The following PDE4D variants were observed in gnomAD, a reference collection of about 807,000 sequenced individuals.
The protein encoded by PDE4D is phosphodiesterase 4D, also known as 3',5'-cyclic-AMP phosphodiesterase 4D.
Under a neutral mutation model 87.4 loss-of-function variants are expected in PDE4D, and 24 were observed. That is an observed-to-expected ratio of 0.27 (90% CI 0.20 to 0.39). The LOEUF is 0.39. Ranked by LOEUF, PDE4D falls within the 10% of genes least tolerant of loss-of-function variation. The pLI is 1.00. For missense variants in PDE4D, 714 were observed against 1,041.0 expected, an observed-to-expected ratio of 0.69 and a Z score of 4.32; for synonymous variants, 384 against 383.2, an observed-to-expected ratio of 1.00 and a Z score of -0.02.
chr5:59,130,118 A>ACT lies in PDE4D; in HGVS notation c.808+50476_808+50477insAG, dbSNP rs879701224. 7.5e-3 allele frequency among the ~76,000 whole-genome samples: 1,137 copies of ACT among 152,326 alleles called. 14 individuals are homozygous for ACT. Among genetic ancestry groups the ACT allele is most frequent in the Non-Finnish European group, 8.7e-3 (594 of 68,030 alleles). Reference sequence around the variant, plus strand: ...AAATTGGAAGGACAATATTTCTTTAAAGAATTTTTCTAGTGAAAAGCTAAG... The same window carrying ACT: ...AAATTGGAAGGACAATATTTCTTTAACTAGAATTTTTCTAGTGAAAAGCTAAG... On this transcript the variant is annotated intron_variant, in intron 5 of 14. Coordinates refer to ENST00000340635, the MANE Select transcript of PDE4D (RefSeq NM_001104631.2).
chr5:60,067,270 G>C (rs904343085), intron 2 of PDE4D, among the ~76,000 whole-genome samples: 7 of 152,066 alleles, frequency 4.6e-5, no homozygotes, highest in African/African-American at 1.7e-4. Flanking sequence ...TGGTAGATGA[G>C]AACAGTAGGA....
intron 1 of PDE4D, among the ~76,000 whole-genome samples, chr5:59,582,130 T>G (rs183625872): frequency 1.5e-3 from 226 of 152,268 alleles, no homozygotes; most frequent in African/African-American, 5.1e-3. Flanking sequence ...GGAAGAGATG[T>G]TAAAGAAGCA....
intron 1 of PDE4D, among the ~76,000 whole-genome samples, chr5:59,453,164 G>A (rs2153641520): frequency 6.6e-6 from 1 of 152,164 alleles, no homozygotes; most frequent in Admixed American, 6.5e-5. Flanking sequence ...TAATTGTTTA[G>A]GAGTACCATA....
At chr5:59,006,711 C>T (rs894058790) in intron 6 of PDE4D, among the ~76,000 whole-genome samples, 3 of 152,182 alleles carry the variant, frequency 2.0e-5, no homozygotes, top group Non-Finnish European at 2.9e-5. Flanking sequence ...TTACCAGATA[C>T]CCAAGCAATT....
intron 1 of PDE4D, among the ~76,000 whole-genome samples, chr5:59,625,493 A>C (rs1042683923): frequency 7.9e-5 from 12 of 151,626 alleles, no homozygotes; most frequent in African/African-American, 2.9e-4. Flanking sequence ...TGACCTAAAG[A>C]GCTGCGACAT....
At chr5:59,304,777 ATGTTGT>A in intron 1 of PDE4D, among the ~76,000 whole-genome samples, 1 of 152,174 alleles carries the variant, frequency 6.6e-6, no homozygotes, top group East Asian at 1.9e-4. Context: ...TCTTTTTGAT[ATGTTGT>A]TGGATTCAGT....
At chr5:59,717,944 A>G (rs1755264063) in intron 1 of PDE4D, among the ~76,000 whole-genome samples, 1 of 152,240 alleles carries the variant, frequency 6.6e-6, no homozygotes. Flanking sequence ...ACTTCAGTGT[A>G]CATAAAAATC....
intron 3 of PDE4D, among the ~76,000 whole-genome samples, chr5:59,984,583 A>G (rs189818491): frequency 9.2e-5 from 14 of 152,292 alleles, no homozygotes; most frequent in African/African-American, 1.7e-4. Flanking sequence ...ATTGCTTGGG[A>G]AAAAAAGTCA....
At chr5:59,426,370 C>T (rs535381119) in intron 1 of PDE4D, among the ~76,000 whole-genome samples, 4 of 152,186 alleles carry the variant, frequency 2.6e-5, no homozygotes, top group African/African-American at 9.7e-5. Flanking sequence ...AGAGAGCAGG[C>T]TGGTTTACCT....
chr5:59,883,118 A>G (rs1749689153), intron 1 of PDE4D, among the ~76,000 whole-genome samples: 1 of 152,218 alleles, frequency 6.6e-6, no homozygotes, highest in Non-Finnish European at 1.5e-5. Flanking sequence ...CAAATAAGGA[A>G]GACCCAATTT....
chr5:59,780,733 TG>T (rs1764529036), intron 1 of PDE4D, among the ~76,000 whole-genome samples: 1 of 152,228 alleles, frequency 6.6e-6, no homozygotes, highest in Non-Finnish European at 1.5e-5. Flanking sequence ...AATTCTGGCC[TG>T]ACAGCAGTGT....
At chr5:59,882,931 C>T (rs1749663471) in intron 1 of PDE4D, among the ~76,000 whole-genome samples, 1 of 152,118 alleles carries the variant, frequency 6.6e-6, no homozygotes, top group African/African-American at 2.4e-5. Flanking sequence ...GCACGTGTCA[C>T]CATGCCTGGA....
At chr5:60,260,581 C>CCAGTCCCAGGACA (rs1426653585) in intron 1 of PDE4D, among the ~76,000 whole-genome samples, 2 of 152,064 alleles carry the variant, frequency 1.3e-5, no homozygotes, top group African/African-American at 4.8e-5. Context: ...AGAAGACCAA[C>CCAGTCCCAGGACA]CAGTCACAAT....
chr5:60,460,112 A>T (rs1746806881), intron 1 of PDE4D: 8 of 1,604,502 alleles, frequency 5.0e-6, no homozygotes, highest in Non-Finnish European at 6.8e-6. Flanking sequence ...CAGGTAAAGA[A>T]GCTCTCTGGT....
At chr5:59,638,781 T>C (rs915650603) in intron 1 of PDE4D, among the ~76,000 whole-genome samples, 1 of 152,196 alleles carries the variant, frequency 6.6e-6, no homozygotes, top group East Asian at 1.9e-4. Context: ...GTGTTTTATA[T>C]AAAAGATTCT....
intron 1 of PDE4D, among the ~76,000 whole-genome samples, chr5:59,347,529 C>G (rs766886999): frequency 1.3e-5 from 2 of 152,140 alleles, no homozygotes; most frequent in Non-Finnish European, 2.9e-5. Flanking sequence ...TAGGCAGACA[C>G]AGACACATAT....
At chr5:59,564,487 C>T (rs143828907) in intron 1 of PDE4D, among the ~76,000 whole-genome samples, 43 of 152,180 alleles carry the variant, frequency 2.8e-4, no homozygotes, top group African/African-American at 3.6e-4. Context: ...TGTCCAAACA[C>T]GAGTGGAAGA....
intron 1 of PDE4D, among the ~76,000 whole-genome samples, chr5:60,203,479 T>C (rs1478464396): frequency 6.6e-6 from 1 of 152,160 alleles, no homozygotes; most frequent in Non-Finnish European, 1.5e-5. Flanking sequence ...CTATGGAAAA[T>C]AATCTGGAAG....
rs557870778 is a variant in PDE4D at position 59,424,406 on chromosome 5, G to A, written c.456-208438C>T. ...ATAAAACGTGTTCTTTGCTGTATTC[G>A]TCTGTTCTCATGCTGCTATGAAAAA... On this transcript the variant is annotated intron_variant, in intron 1 of 14. Coordinates refer to ENST00000340635, the MANE Select transcript of PDE4D (RefSeq NM_001104631.2). Among the ~76,000 whole-genome samples, 7 of 152,112 alleles carry A rather than the reference G, an allele frequency of 4.6e-5. No homozygotes were observed. The East Asian group carries it at 7.7e-4, about 17-fold the overall frequency.
Sources: allele counts gnomAD v4.1 joint callset (sites outside exome capture counted in the v4.1 genomes callset), GRCh38; gene constraint gnomAD v4.1.1; transcripts MANE v1.5; gene names NCBI Gene and HGNC (gene_info 2026-07-23, HGNC 2026-07-21).